Variants in BEND7 observed in about 807,000 individuals in gnomAD.
BEND7 encodes BEN domain containing 7, also known as BEN domain-containing protein 7.
A neutral mutation model predicts 50.9 loss-of-function variants in BEND7; 28 were observed. That is an observed-to-expected ratio of 0.55 (90% CI 0.41 to 0.75). BEND7 has a LOEUF of 0.75. Ranked by LOEUF, BEND7 falls within the 30% of genes least tolerant of loss-of-function variation. The pLI is 0.00. For missense variants in BEND7, 477 were observed against 491.3 expected, an observed-to-expected ratio of 0.97 and a Z score of 0.28; for synonymous variants, 170 against 183.9, an observed-to-expected ratio of 0.92 and a Z score of 0.61.
In BEND7 at chr10:13,509,415, T is replaced by C. The variant is rs554168340; in HGVS notation, c.146-9335A>G. 1.8e-3 allele frequency among the ~76,000 whole-genome samples: 270 copies of C among 152,198 alleles called. 2 individuals carry two copies. The highest frequency in any genetic ancestry group is 5.1e-3 in the Admixed American group (78 of 15,300). On this transcript the variant is annotated intron_variant, in intron 2 of 8. Coordinates refer to ENST00000466271, the MANE Select transcript of BEND7 (RefSeq NM_001369863.1). ...GCTGAAAAGCAAGGCCAGGGGTGGG[T>C]GGGCTGGTCCATCCCAGAGGCAAGG...
At position 13,492,766 on chromosome 10, in the gene BEND7, G is replaced by A. The variant is rs144230873; in HGVS notation, c.682C>T (p.Pro228Ser). The A allele has an allele frequency of 8.9e-5, 143 of 1,612,998 alleles. No individual in the cohort carries two copies. In the African/African-American group the frequency reaches 1.8e-3, roughly 20 times the overall value. Residue 228 changes from proline to serine, a missense_variant, in exon 5 of 9, where the codon CCT becomes TCT. Physicochemically the swap from Pro to Ser is moderately conservative, Grantham distance 74 (BLOSUM62 -1). This residue lies in a region of BEND7 where 396 missense variants were observed against 384.2 expected (regional missense o/e 1.03). Coordinates refer to ENST00000466271, the MANE Select transcript of BEND7 (RefSeq NM_001369863.1). The stretch of plus-strand genomic sequence containing the variant: ...CTGGGCTTCTGTTTCACAGTAAGAG[G>A]TTCCACAGTCTTTGGGGGCACTTTT... ...KKKVPPKTVE[P>S]LTVKQKPSGS...
chr10:13,478,228 C>A (rs1440328581), intron 6 of BEND7, among the ~76,000 whole-genome samples: 1 of 152,160 alleles, frequency 6.6e-6, no homozygotes, highest in Non-Finnish European at 1.5e-5. Flanking sequence ...GAGTTAATTC[C>A]CCCTGGTTCA....
At chr10:13,479,331 T>C (rs563577423) in intron 6 of BEND7, among the ~76,000 whole-genome samples, 349 of 152,192 alleles carry the variant, frequency 2.3e-3, no homozygotes, top group African/African-American at 7.8e-3. Flanking sequence ...TTTCAAACTC[T>C]TGCATGTCTA....
chr10:13,499,323 C>A (rs934101779), intron 3 of BEND7, among the ~76,000 whole-genome samples: 1 of 151,974 alleles, frequency 6.6e-6, no homozygotes, highest in Non-Finnish European at 1.5e-5. Flanking sequence ...ATCGGCCCCC[C>A]ACCCCTGTCC....
chr10:13,457,750 C>T (rs1174634850), intron 6 of BEND7, among the ~76,000 whole-genome samples: 1 of 152,124 alleles, frequency 6.6e-6, no homozygotes, highest in Non-Finnish European at 1.5e-5. Flanking sequence ...TTTTTGCTAC[C>T]TGAATCTATA....
intron 7 of BEND7, among the ~76,000 whole-genome samples, chr10:13,448,585 A>C (rs1588631548): frequency 6.6e-6 from 1 of 152,210 alleles, no homozygotes; most frequent in Admixed American, 6.5e-5. Context: ...TCTTGTCCTC[A>C]GATGGACGCT....
intron 6 of BEND7, among the ~76,000 whole-genome samples, chr10:13,464,671 T>C (rs117168748): frequency 4.5e-4 from 68 of 152,278 alleles, no homozygotes; most frequent in Non-Finnish European, 6.9e-4. Flanking sequence ...GCAAATGTCT[T>C]TACCACATTC....
chr10:13,450,626 C>T (rs1837459040), intron 7 of BEND7, among the ~76,000 whole-genome samples: 1 of 152,098 alleles, frequency 6.6e-6, no homozygotes, highest in Admixed American at 6.5e-5. Flanking sequence ...ATAGAACCTG[C>T]TAGGAACGCA....
chr10:13,498,368 C>T (rs1313676761), intron 3 of BEND7, among the ~76,000 whole-genome samples: 1 of 152,154 alleles, frequency 6.6e-6, no homozygotes, highest in Non-Finnish European at 1.5e-5. Flanking sequence ...CGAGCCACCA[C>T]GCCTAGCCAT....
intron 6 of BEND7, among the ~76,000 whole-genome samples, chr10:13,464,031 T>G (rs2073978942): frequency 6.6e-6 from 1 of 152,262 alleles, no homozygotes. Context: ...ACAAGAGATC[T>G]TGGCAAGAAT....
intron 2 of BEND7, among the ~76,000 whole-genome samples, chr10:13,513,622 A>G (rs1372643427): frequency 6.6e-6 from 1 of 151,868 alleles, no homozygotes; most frequent in African/African-American, 2.4e-5. Flanking sequence ...TCTCCCCACC[A>G]CCACCCCATT....
At chr10:13,519,038 C>T (rs984817022) in intron 2 of BEND7, among the ~76,000 whole-genome samples, 2 of 152,168 alleles carry the variant, frequency 1.3e-5, no homozygotes, top group African/African-American at 2.4e-5. Context: ...AATGTGGCAG[C>T]TGTTAAGTTT....
chr10:13,503,002 G>C (rs1040693294), intron 2 of BEND7: 1 of 905,058 alleles, frequency 1.1e-6, no homozygotes, highest in Non-Finnish European at 1.3e-6. Flanking sequence ...ATTAGCAACA[G>C]GAAGGCGTCA....
chr10:13,494,348 C>T (rs971244048), intron 4 of BEND7, among the ~76,000 whole-genome samples: 24 of 152,270 alleles, frequency 1.6e-4, no homozygotes, highest in African/African-American at 4.8e-4. Flanking sequence ...ACCCAGGAGG[C>T]GGAGGTTGCA....
At chr10:13,457,963 G>A (rs1448968419) in intron 6 of BEND7, among the ~76,000 whole-genome samples, 2 of 152,212 alleles carry the variant, frequency 1.3e-5, no homozygotes, top group Non-Finnish European at 2.9e-5. Context: ...ATATGAAGAA[G>A]CAGCAAGGGC....
chr10:13,493,003 A>G, intron 4 of BEND7, 127 bp from the exon 5 acceptor site: 1 of 1,142,298 alleles, frequency 8.8e-7, no homozygotes, highest in Non-Finnish European at 1.2e-6. Flanking sequence ...GAAGCACACT[A>G]AATAAATCTC....
downstream of BEND7, chr10:13,439,128 G>A: frequency 6.7e-7 from 1 of 1,488,266 alleles, no homozygotes; most frequent in Non-Finnish European, 9.1e-7. Flanking sequence ...AGATTCCAGT[G>A]GAAAGATGGG....
chr10:13,526,880 GA>G (rs760888656), intron 1 of BEND7, among the ~76,000 whole-genome samples: 2 of 152,112 alleles, frequency 1.3e-5, no homozygotes, highest in Non-Finnish European at 2.9e-5. Flanking sequence ...AAGAAAAAAG[GA>G]AAAAGGAAAA....
chr10:13,469,910 C>A (rs2074638817), intron 6 of BEND7, among the ~76,000 whole-genome samples: 1 of 152,104 alleles, frequency 6.6e-6, no homozygotes, highest in African/African-American at 2.4e-5. Context: ...CTGAGTCGTT[C>A]AGATTTTTGA....
Sources: gnomAD v4.1 joint callset for allele counts (sites outside exome capture counted in the v4.1 genomes callset) on GRCh38, gnomAD v4.1.1 for gene constraint, gnomAD v4.1.1 regional missense constraint, MANE v1.5 for transcripts, NCBI Gene and HGNC (gene_info 2026-07-23, HGNC 2026-07-21) for gene names.